CNTN4: variants seen among roughly 807,000 people sequenced by gnomAD.
The protein encoded by CNTN4 is contactin-4.
CNTN4 carries 77 observed loss-of-function variants against 122.5 expected under a neutral mutation model. The observed-to-expected ratio is 0.63, with a 90% CI of 0.52 to 0.76. The LOEUF (loss-of-function observed/expected upper bound fraction) is 0.76. CNTN4 is among the 30% of genes least tolerant of loss of function. The probability of loss-of-function intolerance (pLI) is 0.00; values close to 1 mark genes in which losing one functional copy is unlikely to be tolerated. For synonymous variants in CNTN4, 512 were observed against 447.0 expected (o/e 1.15, Z -1.83); for missense variants, 1,256 against 1,259.1 (o/e 1.00, Z 0.04).
chr3:2,120,675 T>C (rs1449995626), intron 2 of CNTN4, among the ~76,000 whole-genome samples: 2 of 151,888 alleles, frequency 1.3e-5, no homozygotes, highest in African/African-American at 4.8e-5. Flanking sequence ...AGTGCTGGGA[T>C]TACAGGCATG....
At chr3:2,893,751 A>C (rs2094073345) in intron 10 of CNTN4, among the ~76,000 whole-genome samples, 1 of 152,198 alleles carries the variant, frequency 6.6e-6, no homozygotes. Flanking sequence ...AAAATGTCAC[A>C]GTTACATTTT....
rs2089065227 is a variant in CNTN4, at chr3:2,736,066, AT to A, written c.56-145del. The A allele has an allele frequency of 1.4e-5, 12 of 833,578 alleles. No homozygotes were observed. In the East Asian group the frequency reaches 3.0e-4, roughly 21 times the overall value. The allele number at this position is 833,578 out of a possible 1,614,324, so 51.6% of individuals were successfully genotyped here. ...ACAGAAGATTAACCTTCAATGGGAA[AT>A]TTTCTTCTAGAAGCTGAAACACAGC... On this transcript the variant is annotated intron_variant, in intron 4 of 24. Coordinates refer to ENST00000418658, the MANE Select transcript of CNTN4 (RefSeq NM_175607.3).
At position 2,988,555 on chromosome 3, in the gene CNTN4, A is replaced by T; in HGVS notation, c.1486+83A>T. On this transcript the variant is annotated intron_variant, in intron 14 of 24. Transcript: ENST00000418658. ...GTAATCTACCGAAGTGGCATCATTC[A>T]TATTAATATGTACAGATACCACTGT... 7 of 1,391,766 alleles carry T rather than the reference A, an allele frequency of 5.0e-6. No homozygotes were observed. In the South Asian group the frequency reaches 8.1e-5, roughly 16 times the overall value. The allele number at this position is 1,391,766 out of a possible 1,614,324, so 86.2% of individuals were successfully genotyped here.
intron 13 of CNTN4, among the ~76,000 whole-genome samples, chr3:2,950,335 T>C (rs1204084899): frequency 4.6e-5 from 7 of 152,254 alleles, no homozygotes; most frequent in Non-Finnish European, 1.0e-4. Context: ...TGAGTCATTG[T>C]ATGTCCATGC....
intron 3 of CNTN4, among the ~76,000 whole-genome samples, chr3:2,350,227 C>G (rs900337883): frequency 1.3e-5 from 2 of 152,104 alleles, no homozygotes; most frequent in African/African-American, 4.8e-5. Context: ...GATGCCAAGT[C>G]TTAGGGAAGT....
At chr3:2,859,111 A>G (rs990628529) in intron 7 of CNTN4, among the ~76,000 whole-genome samples, 2 of 152,102 alleles carry the variant, frequency 1.3e-5, no homozygotes, top group South Asian at 2.1e-4. Flanking sequence ...CTCTGTTTCT[A>G]TGTGTTCAAC....
intron 7 of CNTN4, among the ~76,000 whole-genome samples, chr3:2,831,036 T>C (rs1053938844): frequency 1.3e-5 from 2 of 152,206 alleles, no homozygotes; most frequent in South Asian, 4.1e-4. Flanking sequence ...AAGTTGTTAA[T>C]TTTTCTGATA....
intron 4 of CNTN4, among the ~76,000 whole-genome samples, chr3:2,677,881 G>C (rs2084957995): frequency 6.6e-6 from 1 of 152,056 alleles, no homozygotes; most frequent in African/African-American, 2.4e-5. Flanking sequence ...ATAAACACAA[G>C]AGTGTGTATT....
intron 2 of CNTN4, among the ~76,000 whole-genome samples, chr3:2,175,670 A>G (rs1032483343): frequency 4.6e-5 from 7 of 152,094 alleles, no homozygotes; most frequent in Non-Finnish European, 8.8e-5. Context: ...TCTAACCATG[A>G]TGTAATGAAC....
intron 6 of CNTN4, among the ~76,000 whole-genome samples, chr3:2,804,559 C>T (rs974252138): frequency 2.0e-5 from 3 of 152,118 alleles, no homozygotes; most frequent in African/African-American, 7.2e-5. Flanking sequence ...AGGAAGAACT[C>T]AATAAATCTT....
intron 4 of CNTN4, among the ~76,000 whole-genome samples, chr3:2,667,343 G>A (rs1559365024): frequency 6.6e-6 from 1 of 152,176 alleles, no homozygotes; most frequent in African/African-American, 2.4e-5. Context: ...GATGGCCAGT[G>A]ATAATGAGCA....
At chr3:2,108,272 A>C (rs1574838592) in intron 2 of CNTN4, among the ~76,000 whole-genome samples, 2 of 151,466 alleles carry the variant, frequency 1.3e-5, no homozygotes, top group East Asian at 2.0e-4. Context: ...GCTCAACTCA[A>C]GTATCACTAA....
At chr3:3,011,450 A>C (rs1441154741) in intron 14 of CNTN4, among the ~76,000 whole-genome samples, 3 of 152,166 alleles carry the variant, frequency 2.0e-5, no homozygotes. Flanking sequence ...TGAAATGTGG[A>C]TACAACAAGC....
rs17017689 is a variant in CNTN4, at chr3:2,634,205, T to C, written c.55+62647T>C. ...ATGTATTAGCTTATATGTATAAATA[T>C]CTTAACATTCAGTCTGTAGTATTTT... On this transcript the variant is annotated intron_variant, in intron 4 of 24. Coordinates refer to ENST00000418658, the MANE Select transcript of CNTN4 (RefSeq NM_175607.3). Among the ~76,000 whole-genome samples the C allele has an allele frequency of 9.5e-3, 1,450 of 152,328 alleles. 30 individuals carry two copies. The highest frequency in any genetic ancestry group is 0.034 in the African/African-American group (1,396 of 41,564).
chr3:2,117,022 A>G (rs146833186), intron 2 of CNTN4, among the ~76,000 whole-genome samples: 1 of 152,300 alleles, frequency 6.6e-6, no homozygotes, highest in Non-Finnish European at 1.5e-5. Flanking sequence ...ACACTAACTC[A>G]GCGTCCTCTA....
chr3:2,817,445 A>G (rs2092763155), intron 6 of CNTN4, among the ~76,000 whole-genome samples: 1 of 152,244 alleles, frequency 6.6e-6, no homozygotes, highest in Non-Finnish European at 1.5e-5. Flanking sequence ...TTAATGACTA[A>G]TAAACGTTTC....
At chr3:2,430,525 C>T (rs1286016919) in intron 3 of CNTN4, among the ~76,000 whole-genome samples, 1 of 150,096 alleles carries the variant, frequency 6.7e-6, no homozygotes, top group Admixed American at 6.6e-5. Context: ...CATCTTAGAA[C>T]CTCCCCTAGT....
chr3:2,560,727 G>A (rs1349419068), intron 3 of CNTN4, among the ~76,000 whole-genome samples: 1 of 152,132 alleles, frequency 6.6e-6, no homozygotes, highest in East Asian at 1.9e-4. Context: ...CACTGTTGCA[G>A]CCCTCTTAGA....
At chr3:2,705,725 TA>T (rs1471520340) in intron 4 of CNTN4, among the ~76,000 whole-genome samples, 2 of 99,190 alleles carry the variant, frequency 2.0e-5, no homozygotes, top group East Asian at 6.2e-4. Flanking sequence ...ATACAACATA[TA>T]AAATATATAT....
Sources: allele counts gnomAD v4.1 joint callset (sites outside exome capture counted in the v4.1 genomes callset), GRCh38; gene constraint gnomAD v4.1.1; transcripts MANE v1.5; gene names NCBI Gene and HGNC (gene_info 2026-07-23, HGNC 2026-07-21).